DNHD1: variants seen among roughly 807,000 people sequenced by gnomAD.
DNHD1 encodes the protein dynein heavy chain domain-containing protein 1.
In DNHD1, 383 loss-of-function variants were observed where a neutral mutation model predicts 458.1. The ratio of observed to expected loss-of-function variants is 0.84; its 90% CI spans 0.77 to 0.91. The LOEUF (loss-of-function observed/expected upper bound fraction) is 0.91. Ranked by LOEUF, DNHD1 falls within the 40% of genes least tolerant of loss-of-function variation. The probability of loss-of-function intolerance (pLI) is 0.00; values close to 1 mark genes in which losing one functional copy is unlikely to be tolerated. For synonymous variants in DNHD1, 2,203 were observed against 2,376.9 expected, an observed-to-expected ratio of 0.93 and a Z score of 2.13; for missense variants, 5,336 against 5,866.1, an observed-to-expected ratio of 0.91 and a Z score of 2.95.
chr11:6,536,661 G>A (rs1298387201), intron 14 of DNHD1, among the ~76,000 whole-genome samples: 1 of 152,084 alleles, frequency 6.6e-6, no homozygotes, highest in Non-Finnish European at 1.5e-5. Context: ...TTTGAAGATT[G>A]GAACTCATTT....
rs750293809 is a variant in DNHD1 at position 6,547,457 on chromosome 11, G to A, written c.6518G>A (p.Arg2173Gln). ...SLPYEYRLQHRTVAELNHMAE... is the reference protein window; with the variant it reads ...SLPYEYRLQHQTVAELNHMAE... ...CCTTATGAGTACCGCCTGCAGCACC[G>A]GACAGTCGCTGAGCTCAACCACATG... The change falls in exon 21 of 43, where the codon CGG becomes CAG. Residue 2173 changes from arginine (R) to glutamine (Q), a missense_variant. Physicochemically the swap from Arg to Gln is conservative, Grantham distance 43. Coordinates refer to ENST00000254579, the MANE Select transcript of DNHD1 (RefSeq NM_144666.3). 61 of 1,551,176 alleles carry A rather than the reference G, an allele frequency of 3.9e-5. No individual in the cohort carries two copies. The highest frequency in any genetic ancestry group is 7.3e-5 in the East Asian group (3 of 40,898).
chr11:6,539,096 G>T lies in DNHD1; in HGVS notation c.3326-123G>T, dbSNP rs914801866. The T allele has an allele frequency of 1.1e-5, 8 of 720,910 alleles. No individual in the cohort carries two copies. The African/African-American group carries it at 1.2e-4, about 11-fold the overall frequency. 44.7% of individuals were successfully genotyped at this position (720,910 alleles called of 1,614,324 possible). A position where few individuals can be genotyped will look rare whatever the true frequency, so the allele number is the denominator to read the frequency against. The stretch of plus-strand genomic sequence containing the variant: ...TTCTAAGCTGTTGGCTCTGTGTTGT[G>T]CTCTGAGATCTGCTATCTGGGGTCT... On this transcript the variant is annotated intron_variant, in intron 16 of 42. Coordinates refer to ENST00000254579, the MANE Select transcript of DNHD1 (RefSeq NM_144666.3).
At chr11:6,569,013 CTT>C (rs1853774747) in intron 39 of DNHD1, 147 bp downstream of exon 39, 4 of 1,033,418 alleles carry the variant, frequency 3.9e-6, no homozygotes, top group Non-Finnish European at 5.5e-6. Context: ...TCTCCAAAGA[CTT>C]TGAGATTTTA....
At chr11:6,519,283 TC>T in intron 7 of DNHD1, among the ~76,000 whole-genome samples, 1 of 152,340 alleles carries the variant, frequency 6.6e-6, no homozygotes, top group East Asian at 1.9e-4. Flanking sequence ...TTTTGTCTCT[TC>T]TGTGCATTGT....
chr11:6,508,665 T>C lies in DNHD1; in HGVS notation c.921-215T>C, dbSNP rs1852273469. 9 of 546,076 alleles carry C rather than the reference T, an allele frequency of 1.6e-5. No individual in the cohort carries two copies. The South Asian group carries it at 1.9e-4, about 12-fold the overall frequency. The allele number at this position is 546,076 out of a possible 1,614,324, so 33.8% of individuals were successfully genotyped here. A position where few individuals can be genotyped will look rare whatever the true frequency, so the allele number is the denominator to read the frequency against. ...TTCTTGGAGCTGGCTAGGTGCCTTT[T>C]TCTTTCTTCCCATCTACCTTTGGCT... On this transcript the variant is annotated intron_variant, in intron 4 of 42. Transcript: ENST00000254579.
In DNHD1 at chr11:6,505,517, T is replaced by C. The variant is rs1852213849; in HGVS notation, c.920+2591T>C. On this transcript the variant is annotated intron_variant, in intron 4 of 42. Transcript: ENST00000254579. The surrounding 1 kb of genome is among the most constrained non-coding windows in gnomAD (Gnocchi z 4.4). ...ATCCACCCACCTCAGCCTCCCAAAG[T>C]GCTGGGATTACAGGCGTGAGTCACC... Among the ~76,000 whole-genome samples, 1 of 152,156 alleles carries C rather than the reference T, an allele frequency of 6.6e-6. No individual in the cohort carries two copies. The highest frequency in any genetic ancestry group is 2.4e-5 in the African/African-American group (1 of 41,436).
chr11:6,557,515 A>G lies in DNHD1; in HGVS notation c.8220A>G (p.Arg2740=), dbSNP rs1277222577. 6.4e-7 allele frequency: 1 copy of G among 1,551,640 alleles called. No individual in the cohort carries two copies. The highest frequency in any genetic ancestry group is 1.4e-5 in the African/African-American group (1 of 73,024). ...AACCTTATGGCCTTCAGGTCGCCAGAGTCTCAAACTCCAGAGATCCAAGTC... is the reference window on the plus strand; with the variant it reads ...AACCTTATGGCCTTCAGGTCGCCAGGGTCTCAAACTCCAGAGATCCAAGTC... ...EEEPYGLQVA[R]VSNSRDPSLT... The change falls in exon 25 of 43, where the codon AGA becomes AGG. Residue 2740 remains arginine (R), a synonymous_variant. Coordinates refer to ENST00000254579, the MANE Select transcript of DNHD1 (RefSeq NM_144666.3).
intron 6 of DNHD1, among the ~76,000 whole-genome samples, chr11:6,509,545 G>C (rs1852296615): frequency 6.6e-6 from 1 of 151,822 alleles, no homozygotes; most frequent in African/African-American, 2.4e-5. Flanking sequence ...TTCATGAATA[G>C]AATATATTCT....
In DNHD1 at chr11:6,532,070, G is replaced by C. The variant is rs199850379; in HGVS notation, c.2348-957G>C. Among the ~76,000 whole-genome samples the C allele has an allele frequency of 2.1e-4, 32 of 152,230 alleles. No homozygotes were observed. In the East Asian group the frequency reaches 5.2e-3, roughly 25 times the overall value. ...ATAGTATTTACTTCAAAGGGAATTT[G>C]TGAGGATAAAATATAATTAAAGTAC... On this transcript the variant is annotated intron_variant, in intron 12 of 42. Coordinates refer to ENST00000254579, the MANE Select transcript of DNHD1 (RefSeq NM_144666.3).
In DNHD1 at chr11:6,519,776, G is replaced by T; in HGVS notation, c.1569G>T (p.Leu523=). ...TGCAGCTGGGAAAGTTTGCCCGCCTGGTTGACTACATGATTTGTCAGAGCC... is the reference window on the plus strand; with the variant it reads ...TGCAGCTGGGAAAGTTTGCCCGCCTTGTTGACTACATGATTTGTCAGAGCC... ...WWLQLGKFAR[L]VDYMICQSLI... is the part of the protein sequence containing the mutation. The change falls in exon 8 of 43, where the codon CTG becomes CTT. Residue 523 remains leucine, a synonymous_variant. Coordinates refer to ENST00000254579, the MANE Select transcript of DNHD1 (RefSeq NM_144666.3). 2 of 1,613,844 alleles carry T rather than the reference G, an allele frequency of 1.2e-6. No homozygotes were observed. Among genetic ancestry groups the T allele is most frequent in the Non-Finnish European group, 1.7e-6 (2 of 1,180,028 alleles).
rs1027174986 is a variant in DNHD1, at chr11:6,567,101, A to G, written c.11592A>G (p.Leu3864=). 4 of 1,613,940 alleles carry G rather than the reference A, an allele frequency of 2.5e-6. No homozygotes were observed. Among genetic ancestry groups the G allele is most frequent in the African/African-American group, 2.7e-5 (2 of 74,942 alleles). ...VWHGMAMVKA[L]SQLQNLLPLF... Reference sequence around the variant, plus strand: ...ATGGAATGGCCATGGTAAAGGCCCTAAGCCAACTGCAGAACCTGCTGCCAC... The same window carrying G: ...ATGGAATGGCCATGGTAAAGGCCCTGAGCCAACTGCAGAACCTGCTGCCAC... Residue 3864 remains leucine, a synonymous_variant, in exon 36 of 43, where the codon CTA becomes CTG. Transcript: ENST00000254579.
chr11:6,511,906 C>G (rs1246528297), intron 7 of DNHD1, among the ~76,000 whole-genome samples: 1 of 152,198 alleles, frequency 6.6e-6, no homozygotes, highest in South Asian at 2.1e-4. Flanking sequence ...CTGGGAGGCC[C>G]TCCTGTGTAC....
In DNHD1 at chr11:6,558,068, C is replaced by T. The variant is rs556028778; in HGVS notation, c.8773C>T (p.Gln2925Ter). The T allele has an allele frequency of 3.9e-6, 6 of 1,551,714 alleles. No individual in the cohort carries two copies. Among genetic ancestry groups the T allele is most frequent in the African/African-American group, 1.4e-5 (1 of 73,160 alleles). The change falls in exon 25 of 43, where the codon CAA becomes TAA. Residue 2925 changes from glutamine to a stop codon, truncating the protein, a stop_gained. Transcript: ENST00000254579. LOFTEE classifies it high-confidence loss of function. Reference sequence around the variant, plus strand: ...ATCTGGGTCAGAGGAGGCCATTCTCCAATGTCTACGAGATGCCAGCTGGCA... The same window carrying T: ...ATCTGGGTCAGAGGAGGCCATTCTCTAATGTCTACGAGATGCCAGCTGGCA... ...LPSGSEEAIL[Q>*]CLRDASWHAG...
chr11:6,558,913 T>G lies in DNHD1; in HGVS notation c.9223T>G (p.Tyr3075Asp). The change falls in exon 27 of 43, where the codon TAC (tyrosine) becomes GAC (aspartate). Residue 3075 changes from tyrosine (Y) to aspartate (D), a missense_variant. Tyr to Asp is a radical substitution (Grantham distance 160, BLOSUM62 -3). This residue lies in a region of DNHD1 where 3,932 missense variants were observed against 4,365.6 expected (regional missense o/e 0.90). Transcript: ENST00000254579. ...SVPLDDGSWK[Y>D]PDLQASIPSV... ...CATGCCCATTGCAGGCTCCTGGAAG[T>G]ACCCAGACCTCCAGGCCTCAATTCC... 4 of 1,551,674 alleles carry G rather than the reference T, an allele frequency of 2.6e-6. No homozygotes were observed. Among genetic ancestry groups the G allele is most frequent in the Non-Finnish European group, 3.5e-6 (4 of 1,146,984 alleles).
chr11:6,570,574 G>A (rs376409131), intron 41 of DNHD1, 44 bp from the exon 42 acceptor site: 154 of 1,535,084 alleles, frequency 1.0e-4, no homozygotes, highest in Middle Eastern at 4.6e-4. Context: ...GTCTAGGGTG[G>A]GGAGAGTCCA....
chr11:6,544,760 G>T, intron 20 of DNHD1, 32 bp from the exon 21 acceptor site: 1 of 1,543,202 alleles, frequency 6.5e-7, no homozygotes, highest in Non-Finnish European at 8.8e-7. Context: ...ACTTCATATT[G>T]GCCCTCACTT....
At chr11:6,556,626 T>A (rs547382854) in intron 24 of DNHD1, 57 bp from the exon 25 acceptor site, 1 of 1,457,912 alleles carries the variant, frequency 6.9e-7, no homozygotes, top group Non-Finnish European at 9.2e-7. Flanking sequence ...AGGGAACAGG[T>A]TGATACTCTC....
chr11:6,550,940 A>G (rs757516227), intron 24 of DNHD1, among the ~76,000 whole-genome samples: 2 of 152,184 alleles, frequency 1.3e-5, no homozygotes, highest in Non-Finnish European at 2.9e-5. Flanking sequence ...GCCTCTCACA[A>G]TAACTGATAA....
rs1349382699 is a variant in DNHD1 at position 6,545,614 on chromosome 11, G to A, written c.4675G>A (p.Gly1559Arg). The change falls in exon 21 of 43, where the codon GGG (glycine) becomes AGG (arginine). Residue 1559 changes from glycine to arginine, a missense_variant. Transcript: ENST00000254579. The surrounding 1 kb of genome is among the most constrained non-coding windows in gnomAD (Gnocchi z 4.9). ...FMRAQRASQG[G>R]QSLPSVRQTS... is the part of the protein sequence containing the mutation. ...GCGGGCCCAGAGGGCTTCCCAAGGT[G>A]GGCAGTCCCTGCCTTCTGTCCGCCA... The A allele has an allele frequency of 6.4e-7, 1 of 1,551,874 alleles. No individual in the cohort carries two copies. The highest frequency in any genetic ancestry group is 2.0e-5 in the Admixed American group (1 of 51,000).
Sources: allele counts gnomAD v4.1 joint callset (sites outside exome capture counted in the v4.1 genomes callset), GRCh38; gene constraint gnomAD v4.1.1; regional missense constraint gnomAD v4.1.1; non-coding constraint Gnocchi (gnomAD v3.1); transcripts MANE v1.5; gene names NCBI Gene and HGNC (gene_info 2026-07-23, HGNC 2026-07-21).